Variants in STK17B observed in about 807,000 individuals in gnomAD.
STK17B encodes serine/threonine-protein kinase 17B.
A neutral mutation model predicts 42.0 loss-of-function variants in STK17B; 21 were observed. That is an observed-to-expected ratio of 0.50 (90% CI 0.35 to 0.72). STK17B has a LOEUF of 0.72. Among genes scored for constraint, STK17B ranks in the 30% least tolerant of loss-of-function variants. The probability of loss-of-function intolerance (pLI) is 0.00; values close to 1 mark genes in which losing one functional copy is unlikely to be tolerated. For synonymous variants in STK17B, 143 were observed against 148.4 expected, an observed-to-expected ratio of 0.96 and a Z score of 0.26; for missense variants, 349 against 446.0, an observed-to-expected ratio of 0.78 and a Z score of 1.96.
At chr2:196,148,542 C>T (rs2105689882) in intron 3 of STK17B, among the ~76,000 whole-genome samples, 1 of 152,146 alleles carries the variant, frequency 6.6e-6, no homozygotes. Flanking sequence ...AGGTACTTTA[C>T]AAGATATAAA....
intron 2 of STK17B, 123 bp from the exon 3 acceptor site, chr2:196,156,774 T>G (rs1699745297): frequency 1.3e-6 from 1 of 757,634 alleles, no homozygotes; most frequent in Non-Finnish European, 2.1e-6. Context: ...CATTAGGAAT[T>G]TATCTTTGTT....
chr2:196,141,583 C>G (rs192483856), intron 5 of STK17B, among the ~76,000 whole-genome samples: 1 of 152,088 alleles, frequency 6.6e-6, no homozygotes, highest in East Asian at 1.9e-4. Context: ...CCCTTGAACC[C>G]GGGAGGCATA....
At chr2:196,165,005 T>C (rs921867506) in intron 1 of STK17B, among the ~76,000 whole-genome samples, 4 of 152,220 alleles carry the variant, frequency 2.6e-5, no homozygotes, top group African/African-American at 9.6e-5. Flanking sequence ...TCATCCATCA[T>C]ACCAGCTATG....
intron 7 of STK17B, among the ~76,000 whole-genome samples, 177 bp downstream of exon 7, chr2:196,139,441 GAA>G (rs1240143780): frequency 6.6e-6 from 1 of 152,022 alleles, no homozygotes; most frequent in Non-Finnish European, 1.5e-5. Context: ...TTTTATATCT[GAA>G]GTTATGTATT....
chr2:196,175,968 A>G (rs1699993551), upstream of STK17B, among the ~76,000 whole-genome samples: 2 of 152,244 alleles, frequency 1.3e-5, no homozygotes, highest in Non-Finnish European at 1.5e-5. Flanking sequence ...TCGGTGGTAC[A>G]TATCTGAACA....
intron 7 of STK17B, 141 bp from the exon 8 acceptor site, chr2:196,137,870 G>A (rs1699430819): frequency 2.2e-6 from 2 of 924,980 alleles, no homozygotes; most frequent in Non-Finnish European, 1.6e-6. Flanking sequence ...CAGTACAGAA[G>A]AGAATAATAA....
At chr2:196,140,774 A>G (rs1333541256) in intron 6 of STK17B, among the ~76,000 whole-genome samples, 1 of 152,044 alleles carries the variant, frequency 6.6e-6, no homozygotes, top group Non-Finnish European at 1.5e-5. Flanking sequence ...TATGTTGGCC[A>G]GGCTGGTCTC....
At chr2:196,175,752 T>A (rs1421651447), upstream of STK17B, among the ~76,000 whole-genome samples, 4 of 152,240 alleles carry the variant, frequency 2.6e-5, no homozygotes, top group Admixed American at 6.5e-5. Context: ...CATGGCCACA[T>A]GTGGCTACTA....
chr2:196,137,739 A>G lies in STK17B; in HGVS notation c.837-10T>C. ...TGCTGTTGGTCTTTTCCTTTGAAAG[A>G]AAGCACCAAGGGAAAATTGAGAACT... is the stretch of plus-strand genomic sequence containing the variant. On this transcript the variant is annotated splice_polypyrimidine_tract_variant and intron_variant, in intron 7 of 7. Transcript: ENST00000263955. The G allele has an allele frequency of 6.3e-7, 1 of 1,596,350 alleles. No individual in the cohort carries two copies. The highest frequency in any genetic ancestry group is 8.5e-7 in the Non-Finnish European group (1 of 1,170,610).
At chr2:196,161,337 AAGT>A (rs1699809683) in intron 2 of STK17B, among the ~76,000 whole-genome samples, 1 of 151,964 alleles carries the variant, frequency 6.6e-6, no homozygotes, top group Admixed American at 6.6e-5. Flanking sequence ...ATGCAAAATG[AAGT>A]AATTAAGATT....
chr2:196,157,217 T>C (rs1433671523), intron 2 of STK17B, among the ~76,000 whole-genome samples: 2 of 151,990 alleles, frequency 1.3e-5, no homozygotes, highest in South Asian at 2.1e-4. Flanking sequence ...ACCAACTCCA[T>C]GCCATGCTCT....
rs1214936223 is a variant in STK17B at position 196,137,574 on chromosome 2, T to C, written c.992A>G (p.Asn331Ser). The change falls in exon 8 of 8, where the codon AAT becomes AGT. Residue 331 changes from asparagine (N) to serine (S), a missense_variant. By Grantham distance (46) the Asn-to-Ser change is conservative. Transcript: ENST00000263955. The stretch of plus-strand genomic sequence containing the variant: ...GTCTTCTCTATCACCACAGGTTCCA[T>C]TACAGGAGGATTTAGAAGTCTTGTC... ...SEDKTSKSSC[N>S]GTCGDREDKE... The C allele has an allele frequency of 6.2e-7, 1 of 1,614,118 alleles. No homozygotes were observed. Among genetic ancestry groups the C allele is most frequent in the Non-Finnish European group, 8.5e-7 (1 of 1,180,004 alleles).
Position 196,143,666 on chromosome 2 carries a change from G to C in STK17B, c.501C>G (p.Ser167Arg). The C allele has an allele frequency of 6.4e-7, 1 of 1,565,622 alleles. No homozygotes were observed. Among genetic ancestry groups the C allele is most frequent in the Non-Finnish European group, 8.6e-7 (1 of 1,158,794 alleles). The part of the protein sequence containing the change: ...LDLKPQNILL[S>R]SIYPLGDIKI... ...TAATGTCCCCGAGAGGGTATATGCTGCTCAGTAATATATTCTGTGGCTAAA... is the reference window on the plus strand; with the variant it reads ...TAATGTCCCCGAGAGGGTATATGCTCCTCAGTAATATATTCTGTGGCTAAA... The change falls in exon 5 of 8, where the codon AGC becomes AGG. Residue 167 changes from serine to arginine, a missense_variant. Ser to Arg is a moderately radical substitution (Grantham distance 110). Coordinates refer to ENST00000263955, the MANE Select transcript of STK17B (RefSeq NM_004226.4).
rs1224108702 is a variant in STK17B, at chr2:196,171,413, G to C, written c.-125C>G. On this transcript the variant is annotated 5_prime_UTR_variant, in exon 1 of 8. Coordinates refer to ENST00000263955, the MANE Select transcript of STK17B (RefSeq NM_004226.4). ...CGCCCCACGCCGGGGGCCGCCACAGGACGAGTTCTCTAGCTCCAGCCGGGC... is the reference window on the plus strand; with the variant it reads ...CGCCCCACGCCGGGGGCCGCCACAGCACGAGTTCTCTAGCTCCAGCCGGGC... 6.6e-6 allele frequency: 1 copy of C among 152,314 alleles called. No individual in the cohort carries two copies. The highest frequency in any genetic ancestry group is 2.4e-5 in the African/African-American group (1 of 41,428). The allele number at this position is 152,314 out of a possible 1,614,324, so 9.4% of individuals were successfully genotyped here. A position where few individuals can be genotyped will look rare whatever the true frequency, so the allele number is the denominator to read the frequency against.
upstream of STK17B, among the ~76,000 whole-genome samples, chr2:196,175,964 G>T (rs1171893235): frequency 1.3e-5 from 2 of 152,268 alleles, no homozygotes; most frequent in Admixed American, 6.5e-5. Flanking sequence ...AAATTCGGTG[G>T]TACATATCTG....
At chr2:196,161,276 T>G (rs187270057) in intron 2 of STK17B, among the ~76,000 whole-genome samples, 1 of 145,676 alleles carries the variant, frequency 6.9e-6, no homozygotes, top group Non-Finnish European at 1.5e-5. Context: ...ACAGGAAACT[T>G]AAAAAAAAGA....
At chr2:196,147,663 T>C (rs1368686453) in intron 3 of STK17B, among the ~76,000 whole-genome samples, 1 of 151,998 alleles carries the variant, frequency 6.6e-6, no homozygotes, top group African/African-American at 2.4e-5. Context: ...ACGTGAAAGC[T>C]CCAATCACAT....
At chr2:196,144,781 T>G (rs1260991638) in intron 4 of STK17B, among the ~76,000 whole-genome samples, 1 of 152,138 alleles carries the variant, frequency 6.6e-6, no homozygotes, top group Non-Finnish European at 1.5e-5. Flanking sequence ...GCTGCTGTCA[T>G]AACCCATACC....
At chr2:196,170,005 A>G (rs1388492718) in intron 1 of STK17B, among the ~76,000 whole-genome samples, 1 of 152,214 alleles carries the variant, frequency 6.6e-6, no homozygotes, top group Non-Finnish European at 1.5e-5. Context: ...TCAGAGGAGG[A>G]GGATCCGAGG....
Sources: allele counts gnomAD v4.1 joint callset (sites outside exome capture counted in the v4.1 genomes callset), GRCh38; gene constraint gnomAD v4.1.1; transcripts MANE v1.5; gene names NCBI Gene and HGNC (gene_info 2026-07-23, HGNC 2026-07-21).